The following DAW1 variants were observed in gnomAD, a reference collection of about 807,000 sequenced individuals.
DAW1 encodes the protein dynein assembly factor with WD repeats 1, also known as dynein assembly factor with WD repeat domains 1.
In DAW1, 47 loss-of-function variants were observed where a neutral mutation model predicts 56.5. That is an observed-to-expected ratio of 0.83 (90% CI 0.66 to 1.06). The LOEUF (loss-of-function observed/expected upper bound fraction) is 1.06. Among genes scored for constraint, DAW1 ranks in the 50% least tolerant of loss-of-function variants. The probability of loss-of-function intolerance (pLI) is 0.00; values close to 1 mark genes in which losing one functional copy is unlikely to be tolerated. For missense variants in DAW1, 505 were observed against 499.3 expected, an observed-to-expected ratio of 1.01 and a Z score of -0.11; for synonymous variants, 190 against 179.0, an observed-to-expected ratio of 1.06 and a Z score of -0.49.
At chr2:227,922,242 G>A (rs1423532819) in intron 12 of DAW1, among the ~76,000 whole-genome samples, 2 of 152,244 alleles carry the variant, frequency 1.3e-5, no homozygotes, top group East Asian at 1.9e-4. Context: ...CAGCCCATTA[G>A]AGATTTATTC....
intron 4 of DAW1, among the ~76,000 whole-genome samples, chr2:227,891,656 G>A (rs1269550333): frequency 6.6e-6 from 1 of 152,128 alleles, no homozygotes; most frequent in Non-Finnish European, 1.5e-5. Context: ...CAGTGATTTG[G>A]GGTATGGCAA....
At position 227,923,958 on chromosome 2, in the gene DAW1, T is replaced by C. The variant is rs1422325845; in HGVS notation, c.1238T>C (p.Ile413Thr). 1 of 1,614,088 alleles carries C rather than the reference T, an allele frequency of 6.2e-7. No homozygotes were observed. Among genetic ancestry groups the C allele is most frequent in the South Asian group, 1.1e-5 (1 of 91,078 alleles). The change falls in exon 13 of 13, where the codon ATA (isoleucine) becomes ACA (threonine). Residue 413 changes from isoleucine (I) to threonine (T), a missense_variant. Ile to Thr is a moderately conservative substitution (Grantham distance 89). Transcript: ENST00000309931. ...ITGSKDNTCRIWR is the reference protein window; with the variant it reads ...ITGSKDNTCRTWR Reference sequence around the variant, plus strand: ...GGCAGCAAGGATAATACCTGTAGGATATGGCGTTGACTGAAGGAAGCTGGT... The same window carrying C: ...GGCAGCAAGGATAATACCTGTAGGACATGGCGTTGACTGAAGGAAGCTGGT...
intron 10 of DAW1, among the ~76,000 whole-genome samples, chr2:227,911,203 T>C (rs1480994682): frequency 6.9e-6 from 1 of 145,772 alleles, no homozygotes; most frequent in African/African-American, 2.5e-5. Flanking sequence ...CACATACATA[T>C]ATATGTGTAT....
chr2:227,871,807 G>C (rs887406218), intron 1 of DAW1, 78 bp downstream of exon 1: 12 of 1,584,290 alleles, frequency 7.6e-6, no homozygotes, highest in Non-Finnish European at 1.0e-5. Flanking sequence ...GCGGAGGAGG[G>C]CGCAGCCACT....
chr2:227,885,612 G>T (rs2106190955), intron 2 of DAW1, among the ~76,000 whole-genome samples, 189 bp downstream of exon 2: 1 of 152,016 alleles, frequency 6.6e-6, no homozygotes, highest in Admixed American at 6.6e-5. Context: ...GAGGAAGTGG[G>T]AAAAGGGTTA....
rs1010563351 is a variant in DAW1, at chr2:227,910,323, A to G, written c.973+3071A>G. ...CAAAAATTAGCTAATTAAAACAAAA[A>G]TTAGTCAGGTGTGGTGGCATGCACC... On this transcript the variant is annotated intron_variant, in intron 10 of 12. Transcript: ENST00000309931. Among the ~76,000 whole-genome samples, 5 of 152,118 alleles carry G rather than the reference A, an allele frequency of 3.3e-5. No homozygotes were observed. The South Asian group carries it at 6.2e-4, about 19-fold the overall frequency.
intron 11 of DAW1, among the ~76,000 whole-genome samples, chr2:227,920,143 C>T (rs980095475): frequency 6.6e-6 from 1 of 152,162 alleles, no homozygotes; most frequent in Non-Finnish European, 1.5e-5. Context: ...AAGTAAACAT[C>T]TATTTTCATG....
At chr2:227,923,290 C>T (rs565504010) in intron 12 of DAW1, among the ~76,000 whole-genome samples, 4 of 152,258 alleles carry the variant, frequency 2.6e-5, no homozygotes, top group African/African-American at 9.6e-5. Flanking sequence ...TTGTAGTGGC[C>T]TACCTGAGGC....
intron 10 of DAW1, among the ~76,000 whole-genome samples, chr2:227,910,165 A>G (rs535698784): frequency 1.3e-5 from 2 of 152,272 alleles, no homozygotes; most frequent in East Asian, 3.9e-4. Flanking sequence ...TAATATATGC[A>G]TCATGGCCAG....
rs1380400704 is a variant in DAW1, at chr2:227,885,374, C to A, written c.64C>A (p.His22Asn). The A allele has an allele frequency of 2.5e-6, 4 of 1,600,590 alleles. No individual in the cohort carries two copies. The highest frequency in any genetic ancestry group is 3.4e-6 in the Non-Finnish European group (4 of 1,174,768). ...AGGAATTATGTTGGAATATGAAAAA[C>A]ATGGAGAATTAAAGACTAAGTCCAT... The part of the protein sequence containing the change: ...PPGIMLEYEK[H>N]GELKTKSIDL... Residue 22 changes from histidine to asparagine, a missense_variant, in exon 2 of 13, where the codon CAT (histidine) becomes AAT (asparagine). His to Asn is a moderately conservative substitution (Grantham distance 68, BLOSUM62 1). Transcript: ENST00000309931.
At chr2:227,915,219 C>G (rs1179542545) in intron 10 of DAW1, among the ~76,000 whole-genome samples, 1 of 152,040 alleles carries the variant, frequency 6.6e-6, no homozygotes, top group African/African-American at 2.4e-5. Flanking sequence ...ACTATATCTT[C>G]ATCCTTTACT....
Position 227,907,220 on chromosome 2 carries a change from C to G in DAW1, c.941C>G (p.Thr314Ser). The G allele has an allele frequency of 1.2e-6, 2 of 1,613,358 alleles. No individual in the cohort carries two copies. Among genetic ancestry groups the G allele is most frequent in the Non-Finnish European group, 1.7e-6 (2 of 1,179,732 alleles). ...ATACTAGACAGCTGCTTTGATTACA[C>G]TGGAAAGCTTATTGCAACTGCTTCA... ...DEILDSCFDY[T>S]GKLIATASAD... Residue 314 changes from threonine to serine, a missense_variant, in exon 10 of 13, where the codon ACT becomes AGT. Transcript: ENST00000309931.
intron 5 of DAW1, among the ~76,000 whole-genome samples, chr2:227,896,612 G>A (rs1347021371): frequency 1.3e-5 from 2 of 151,760 alleles, no homozygotes; most frequent in African/African-American, 2.4e-5. Flanking sequence ...GTGTGTGTGT[G>A]TGTGTGTGTG....
At chr2:227,906,408 G>T in intron 9 of DAW1, 70 bp downstream of exon 9, 1 of 994,794 alleles carries the variant, frequency 1.0e-6, no homozygotes, top group Non-Finnish European at 1.4e-6. Context: ...GATATCCATT[G>T]TAACATTAAC....
intron 10 of DAW1, among the ~76,000 whole-genome samples, chr2:227,911,958 T>C (rs1691836559): frequency 6.6e-6 from 1 of 152,190 alleles, no homozygotes; most frequent in African/African-American, 2.4e-5. Context: ...CTGACACTTA[T>C]GCCCCTATAC....
chr2:227,885,008 G>T (rs147943040), intron 1 of DAW1, among the ~76,000 whole-genome samples: 300 of 152,190 alleles, frequency 2.0e-3, no homozygotes, highest in African/African-American at 6.9e-3. Context: ...CTAGTTTTGG[G>T]GTGTGGAATG....
At chr2:227,890,720 T>A (rs1053283237) in intron 3 of DAW1, among the ~76,000 whole-genome samples, 2 of 152,258 alleles carry the variant, frequency 1.3e-5, no homozygotes, top group Non-Finnish European at 2.9e-5. Context: ...ATGAGCTGTA[T>A]AACTAGCGTG....
chr2:227,918,681 C>T (rs551681755), intron 10 of DAW1, 99 bp from the exon 11 acceptor site: 42 of 1,281,612 alleles, frequency 3.3e-5, no homozygotes, highest in Middle Eastern at 1.9e-4. Context: ...GCACAGAGCT[C>T]GTGTGTCAGG....
intron 5 of DAW1, chr2:227,895,695 A>T (rs77485917): frequency 1.6e-3 from 244 of 152,360 alleles, no homozygotes; most frequent in African/African-American, 5.5e-3. Context: ...GTTGAAAAAC[A>T]GAAGTGCGTG....
Sources: gnomAD v4.1 joint callset for allele counts (sites outside exome capture counted in the v4.1 genomes callset) on GRCh38, gnomAD v4.1.1 for gene constraint, MANE v1.5 for transcripts, NCBI Gene and HGNC (gene_info 2026-07-23, HGNC 2026-07-21) for gene names.